The following CT55 variants were observed in gnomAD, a reference collection of about 807,000 sequenced individuals.
CT55 encodes BRCA2-interacting protein.
A neutral mutation model predicts 12.6 loss-of-function variants in CT55; 1 was observed. The observed-to-expected ratio is 0.08, with a 90% CI of 0.03 to 0.38. CT55 has a LOEUF of 0.38. Among genes scored for constraint, CT55 ranks in the 10% least tolerant of loss-of-function variants. The pLI, the probability that CT55 is intolerant of heterozygous loss-of-function variation, is 0.99. For synonymous variants in CT55, 43 were observed against 49.7 expected (o/e 0.87, Z 0.57); for missense variants, 109 against 135.4 (o/e 0.80, Z 0.97).
Position 135,169,671 on chromosome X carries a change from C to G in CT55, c.202G>C (p.Val68Leu), listed in dbSNP as rs1171325437. Residue 68 changes from valine to leucine, a missense_variant, in exon 2 of 6, where the codon GTG (valine) becomes CTG (leucine). Val to Leu is a conservative substitution (Grantham distance 32). Coordinates refer to ENST00000276241, the MANE Select transcript of CT55 (RefSeq NM_001031705.3). ...ACTTTTTGTCCAACTTTTAGAGGCA[C>G]GTTGCCAGTCACAACATCACTACTG... ...YFSSDVVTGNVPLKVGQKVNV... is the reference protein window; with the variant it reads ...YFSSDVVTGNLPLKVGQKVNV... 2 of 1,205,185 alleles carry G rather than the reference C, an allele frequency of 1.7e-6. No homozygotes were observed. The highest frequency in any genetic ancestry group is 2.2e-6 in the Non-Finnish European group (2 of 891,678).
At chrX:135,167,302 A>G (rs184223724) in intron 2 of CT55, among the ~76,000 whole-genome samples, 4 of 112,386 alleles carry the variant, frequency 3.6e-5, no homozygotes, top group Non-Finnish European at 5.6e-5. Flanking sequence ...GTGCATTTAC[A>G]GTCAACTAAT....
intron 1 of CT55, 143 bp from the exon 2 acceptor site, chrX:135,169,921 A>T: frequency 6.2e-6 from 2 of 320,336 alleles, no homozygotes; most frequent in Non-Finnish European, 1.1e-5. Flanking sequence ...GTCAATCCAC[A>T]ACAATCACAA....
intron 2 of CT55, among the ~76,000 whole-genome samples, chrX:135,162,514 G>A (rs2083566887): frequency 8.9e-6 from 1 of 112,163 alleles, no homozygotes; most frequent in Non-Finnish European, 1.9e-5. Flanking sequence ...CCAGGTGAGA[G>A]ACCATGGTAC....
At chrX:135,167,243 A>G (rs192553619) in intron 2 of CT55, among the ~76,000 whole-genome samples, 4 of 111,932 alleles carry the variant, frequency 3.6e-5, no homozygotes, top group Non-Finnish European at 5.7e-5. Flanking sequence ...CAGTATAAAA[A>G]CGGACACATC....
upstream of CT55, chrX:135,171,410 C>T (rs1247409360): frequency 3.4e-5 from 17 of 499,492 alleles, no homozygotes; most frequent in African/African-American, 3.6e-4. Flanking sequence ...AGCATGCGCT[C>T]GTCAGGGCCC....
At chrX:135,161,098 C>T (rs1391972803) in intron 2 of CT55, among the ~76,000 whole-genome samples, 3 of 109,275 alleles carry the variant, frequency 2.7e-5, no homozygotes, top group African/African-American at 3.3e-5. Context: ...CCCTAACATC[C>T]GAGATCCAGG....
chrX:135,166,076 C>T (rs1482118785), intron 2 of CT55, among the ~76,000 whole-genome samples: 6 of 85,029 alleles, frequency 7.1e-5, no homozygotes, highest in African/African-American at 2.4e-4. Flanking sequence ...GGACAAGAGA[C>T]GAACACTTCC....
upstream of CT55, chrX:135,171,543 A>G (rs1188922706): frequency 6.5e-6 from 1 of 154,025 alleles, no homozygotes; most frequent in East Asian, 1.5e-4. Context: ...AGCCATTAGG[A>G]TGGCCTGGGG....
At chrX:135,160,232 C>A (rs1569481752) in intron 3 of CT55, among the ~76,000 whole-genome samples, 179 bp downstream of exon 3, 1 of 111,386 alleles carries the variant, frequency 9.0e-6, no homozygotes, top group Non-Finnish European at 1.9e-5. Flanking sequence ...ACCAACAGCA[C>A]ACAATTTATA....
intron 2 of CT55, among the ~76,000 whole-genome samples, chrX:135,166,283 G>A (rs1207500710): frequency 9.0e-6 from 1 of 110,886 alleles, no homozygotes; most frequent in African/African-American, 3.3e-5. Context: ...TTCATCCCTG[G>A]GATGCAGGGA....
In CT55 at chrX:135,171,372, C is replaced by T; in HGVS notation, c.-201G>A. 2 of 743,892 alleles carry T rather than the reference C, an allele frequency of 2.7e-6. No individual in the cohort carries two copies. The highest frequency in any genetic ancestry group is 2.1e-5 in the African/African-American group (1 of 46,896). 61.3% of individuals were successfully genotyped at this position (743,892 alleles called of 1,213,427 possible). ...GACACCGCAGCCTCCAAAGGAGCTC[C>T]CAGCTTCTCCGCTGACTTCTCCCTC... is the stretch of plus-strand genomic sequence containing the variant. On this transcript the variant is annotated 5_prime_UTR_variant, in exon 1 of 6. Transcript: ENST00000276241.
rs2083602821 is a variant in CT55 at position 135,169,768 on chromosome X, C to T, written c.105G>A (p.Gln35=). 8.4e-7 allele frequency: 1 copy of T among 1,190,324 alleles called. No individual in the cohort carries two copies. ...TGACAACTCCCTGCACAGTTGTCAACTGGGTGTCACCTACAAGATAAAGAA... is the reference window on the plus strand; with the variant it reads ...TGACAACTCCCTGCACAGTTGTCAATTGGGTGTCACCTACAAGATAAAGAA... ...QQQGLPQGDT[Q]LTTVQGVVTS... The change falls in exon 2 of 6, where the codon CAG becomes CAA. Residue 35 remains glutamine (Q), a synonymous_variant. Coordinates refer to ENST00000276241, the MANE Select transcript of CT55 (RefSeq NM_001031705.3).
At chrX:135,169,144 A>T (rs1293984668) in intron 2 of CT55, among the ~76,000 whole-genome samples, 2 of 111,967 alleles carry the variant, frequency 1.8e-5, no homozygotes, top group African/African-American at 6.5e-5. Context: ...TGTTGCCAGG[A>T]CTCCGTAAAT....
intron 3 of CT55, 82 bp from the exon 4 acceptor site, chrX:135,158,393 CTACTT>C: frequency 1.7e-6 from 1 of 576,355 alleles, no homozygotes. Context: ...TGATAGTGTA[CTACTT>C]TAAAGTCAGT....
At position 135,158,255 on chromosome X, in the gene CT55, T is replaced by A. The variant is rs371245819; in HGVS notation, c.481A>T (p.Ile161Phe). The A allele has an allele frequency of 1.8e-4, 217 of 1,208,043 alleles. No homozygotes were observed. The highest frequency in any genetic ancestry group is 2.3e-4 in the Non-Finnish European group (208 of 893,367). ...ACAGAAGTTGCCTTGATGTTTGAGA[T>A]GCCTGGCTCAGTGGAATATTCAACT... ...LEVEYSTEPG[I>F]SNIKATSVKP... Residue 161 changes from isoleucine (I) to phenylalanine (F), a missense_variant, in exon 4 of 6, where the codon ATC (isoleucine) becomes TTC (phenylalanine). Ile to Phe is a conservative substitution (Grantham distance 21). Coordinates refer to ENST00000276241, the MANE Select transcript of CT55 (RefSeq NM_001031705.3).
chrX:135,163,234 T>C (rs1556405459), intron 2 of CT55, among the ~76,000 whole-genome samples: 1 of 112,396 alleles, frequency 8.9e-6, no homozygotes, highest in Non-Finnish European at 1.9e-5. Context: ...CAATTGACCC[T>C]AGAGAGACAG....
intron 3 of CT55, among the ~76,000 whole-genome samples, chrX:135,159,516 A>T (rs1352554958): frequency 9.0e-6 from 1 of 111,437 alleles, no homozygotes; most frequent in Non-Finnish European, 1.9e-5. Context: ...TCCCTCCACA[A>T]CAAAGATCTA....
chrX:135,168,423 G>A (rs1556406299), intron 2 of CT55, among the ~76,000 whole-genome samples: 1 of 111,971 alleles, frequency 8.9e-6, no homozygotes, highest in Non-Finnish European at 1.9e-5. Context: ...TAGAATGGTG[G>A]TTACCAGACG....
chrX:135,167,672 G>A (rs2083592055), intron 2 of CT55, among the ~76,000 whole-genome samples: 1 of 110,377 alleles, frequency 9.1e-6, no homozygotes, highest in African/African-American at 3.3e-5. Context: ...CAATCTATGC[G>A]ATAGGAGAAA....
Sources: allele counts gnomAD v4.1 joint callset (sites outside exome capture counted in the v4.1 genomes callset), GRCh38; gene constraint gnomAD v4.1.1; transcripts MANE v1.5; gene names NCBI Gene and HGNC (gene_info 2026-07-23, HGNC 2026-07-21).